PPP2R1B: variants seen among roughly 807,000 people sequenced by gnomAD.
PPP2R1B encodes protein phosphatase 2 scaffold subunit Abeta, also known as serine/threonine-protein phosphatase 2A 65 kDa regulatory subunit A beta isoform.
In PPP2R1B, 58 loss-of-function variants were observed where a neutral mutation model predicts 72.7. The ratio of observed to expected loss-of-function variants is 0.80; its 90% CI spans 0.65 to 0.99. The LOEUF (loss-of-function observed/expected upper bound fraction) is 0.99. PPP2R1B is among the 50% of genes least tolerant of loss of function. The pLI, the probability that PPP2R1B is intolerant of heterozygous loss-of-function variation, is 0.00. For missense variants in PPP2R1B, 695 were observed against 733.6 expected (o/e 0.95, Z 0.61); for synonymous variants, 256 against 264.6 (o/e 0.97, Z 0.32).
intron 5 of PPP2R1B, 80 bp downstream of exon 5, chr11:111,759,724 C>A: frequency 6.9e-7 from 1 of 1,449,024 alleles, no homozygotes; most frequent in Non-Finnish European, 9.2e-7. Context: ...AACAAGAAAA[C>A]TAAAACTCCC....
the PPP2R1B span, chr11:111,701,064 T>C: frequency 6.4e-7 from 1 of 1,573,912 alleles, no homozygotes; most frequent in Non-Finnish European, 8.6e-7. This position sits in a 1 kb window ranked among gnomAD's most constrained non-coding sequence, Gnocchi z 4.2. Context: ...TAATACTTGG[T>C]GTTCTGGCCC....
intron 15 of PPP2R1B, chr11:111,728,891 T>A (rs1944079761): frequency 6.9e-6 from 1 of 144,038 alleles, no homozygotes; most frequent in Admixed American, 7.1e-5. Flanking sequence ...GCCACTGCAC[T>A]CCAGCCTGGG....
chr11:111,739,092 T>C lies in PPP2R1B; in HGVS notation c.*2504A>G, dbSNP rs539981007. 1.1e-4 allele frequency: 106 copies of C among 985,388 alleles called. No individual in the cohort carries two copies. Among genetic ancestry groups the C allele is most frequent in the Admixed American group, 3.7e-4 (6 of 16,284 alleles). The allele number at this position is 985,388 out of a possible 1,614,324, so 61.0% of individuals were successfully genotyped here. A position where few individuals can be genotyped will look rare whatever the true frequency, so the allele number is the denominator to read the frequency against. Reference sequence around the variant, plus strand: ...TGTTTCCTGAAAGCAGGAAAATCTTTCTGTCAGTGGGAGAATAAGACACAG... The same window carrying C: ...TGTTTCCTGAAAGCAGGAAAATCTTCCTGTCAGTGGGAGAATAAGACACAG... On this transcript the variant is annotated 3_prime_UTR_variant, in exon 15 of 15. Transcript: ENST00000527614.
chr11:111,752,941 C>A (rs1332760518), intron 9 of PPP2R1B, among the ~76,000 whole-genome samples: 5 of 151,208 alleles, frequency 3.3e-5, no homozygotes, highest in Non-Finnish European at 7.4e-5. Context: ...CCAGCCTGGG[C>A]GACAGAGCAA....
chr11:111,690,207 AT>A, the PPP2R1B span, among the ~76,000 whole-genome samples: 1 of 146,282 alleles, frequency 6.8e-6, no homozygotes, highest in Non-Finnish European at 1.5e-5. Flanking sequence ...TCACTGGGAT[AT>A]TTTGTTTAAT....
the PPP2R1B span, chr11:111,721,817 C>G: frequency 3.8e-6 from 6 of 1,596,354 alleles, no homozygotes; most frequent in East Asian, 1.3e-4. Context: ...GTTTCCACCC[C>G]CTTGCTCCTC....
chr11:111,763,911 A>C (rs1392079240), intron 3 of PPP2R1B, among the ~76,000 whole-genome samples: 1 of 151,968 alleles, frequency 6.6e-6, no homozygotes, highest in Non-Finnish European at 1.5e-5. Flanking sequence ...AATCTACCTC[A>C]GGAGTTCCAT....
At chr11:111,698,169 G>A in the PPP2R1B span, among the ~76,000 whole-genome samples, 1 of 152,138 alleles carries the variant, frequency 6.6e-6, no homozygotes, top group Non-Finnish European at 1.5e-5. Context: ...ACAGAAAATA[G>A]AAATAACTGC....
chr11:111,713,541 G>A, the PPP2R1B span, among the ~76,000 whole-genome samples: 1 of 152,180 alleles, frequency 6.6e-6, no homozygotes, highest in Non-Finnish European at 1.5e-5. Flanking sequence ...ATGGTTTCCT[G>A]TCTTTTTAGC....
chr11:111,710,541 A>G, the PPP2R1B span, among the ~76,000 whole-genome samples: 1 of 152,238 alleles, frequency 6.6e-6, no homozygotes, highest in Non-Finnish European at 1.5e-5. Flanking sequence ...CAAGATTCTA[A>G]CTAGGAACCG....
intron 5 of PPP2R1B, among the ~76,000 whole-genome samples, chr11:111,757,686 T>C (rs1156313424): frequency 6.6e-6 from 1 of 151,876 alleles, no homozygotes; most frequent in African/African-American, 2.4e-5. Context: ...ATACAAAAAA[T>C]TAGCCAGTCA....
At chr11:111,747,416 A>G (rs1027056489) in intron 11 of PPP2R1B, among the ~76,000 whole-genome samples, 3 of 152,332 alleles carry the variant, frequency 2.0e-5, no homozygotes, top group East Asian at 1.9e-4. Context: ...TGAGAGTACA[A>G]GCAGTAAGCC....
the PPP2R1B span, among the ~76,000 whole-genome samples, chr11:111,705,904 G>C: frequency 6.6e-6 from 1 of 152,128 alleles, no homozygotes; most frequent in Non-Finnish European, 1.5e-5. The surrounding 1 kb of genome is among the most constrained non-coding windows in gnomAD (Gnocchi z 4.3). Flanking sequence ...AAATACCGAA[G>C]GCTTAAACTC....
the PPP2R1B span, chr11:111,705,093 G>C: frequency 6.2e-7 from 1 of 1,605,432 alleles, no homozygotes. The surrounding 1 kb of genome is among the most constrained non-coding windows in gnomAD (Gnocchi z 4.3). Flanking sequence ...AGACTTGATG[G>C]CCGCCAGCGT....
At chr11:111,722,569 G>T, downstream of PPP2R1B, 1 of 1,141,882 alleles carries the variant, frequency 8.8e-7, no homozygotes, top group East Asian at 2.4e-5. This position sits in a 1 kb window ranked among gnomAD's most constrained non-coding sequence, Gnocchi z 4.4. Context: ...TCTGTAGAAT[G>T]CAGTTAGATT....
At chr11:111,764,138 C>T (rs1307918822) in intron 3 of PPP2R1B, among the ~76,000 whole-genome samples, 9 of 152,046 alleles carry the variant, frequency 5.9e-5, no homozygotes, top group Admixed American at 5.9e-4. Flanking sequence ...GTACTTATAT[C>T]TTTCCATTTA....
At chr11:111,722,990 T>C (rs74643824), downstream of PPP2R1B, among the ~76,000 whole-genome samples, 1,012 of 152,290 alleles carry the variant, frequency 6.6e-3, 8 homozygotes, top group Middle Eastern at 0.061. This position sits in a 1 kb window ranked among gnomAD's most constrained non-coding sequence, Gnocchi z 4.4. Context: ...TCTTCTAGCG[T>C]TTCCTCTTTG....
chr11:111,722,548 C>T (rs1186524552), downstream of PPP2R1B: 2 of 974,248 alleles, frequency 2.1e-6, no homozygotes, highest in African/African-American at 3.3e-5. The surrounding 1 kb of genome is among the most constrained non-coding windows in gnomAD (Gnocchi z 4.4). Context: ...GTCCCTTCAC[C>T]CCGTGTGGAT....
chr11:111,755,565 T>G, intron 5 of PPP2R1B, 115 bp from the exon 6 acceptor site: 1 of 914,372 alleles, frequency 1.1e-6, no homozygotes, highest in Non-Finnish European at 1.5e-6. Context: ...ACACCTTATA[T>G]AGTTTCACGT....
Sources: gnomAD v4.1 joint callset for allele counts (sites outside exome capture counted in the v4.1 genomes callset) on GRCh38, gnomAD v4.1.1 for gene constraint, Gnocchi (gnomAD v3.1) non-coding constraint, MANE v1.5 for transcripts, NCBI Gene and HGNC (gene_info 2026-07-23, HGNC 2026-07-21) for gene names.